EXPH5: variants seen among roughly 807,000 people sequenced by gnomAD.
EXPH5 encodes the protein exophilin 5.
A neutral mutation model predicts 41.1 loss-of-function variants in EXPH5; 42 were observed. The ratio of observed to expected loss-of-function variants is 1.02; its 90% CI spans 0.80 to 1.32. EXPH5 has a LOEUF of 1.32. Ranked by LOEUF, EXPH5 falls within the 40% of genes most tolerant of loss-of-function variation. The pLI is 0.00. For missense variants in EXPH5, 2,298 were observed against 2,314.5 expected, an observed-to-expected ratio of 0.99 and a Z score of 0.15; for synonymous variants, 798 against 833.5, an observed-to-expected ratio of 0.96 and a Z score of 0.73.
At chr11:108,529,031 T>A (rs553994863) in intron 3 of EXPH5, among the ~76,000 whole-genome samples, 4 of 152,126 alleles carry the variant, frequency 2.6e-5, no homozygotes, top group African/African-American at 7.2e-5. Context: ...CAGTAGAGCA[T>A]GCTGACTTTT....
Position 108,508,743 on chromosome 11 carries a change from G to A in EXPH5, c.*794C>T, listed in dbSNP as rs527944172. The A allele has an allele frequency of 5.9e-5, 9 of 152,268 alleles. No individual in the cohort carries two copies. The South Asian group carries it at 1.9e-3, about 32-fold the overall frequency. The allele number at this position is 152,268 out of a possible 1,614,324, so 9.4% of individuals were successfully genotyped here. ...TGTATGGTCAGGTTGCCTGGCCTAA[G>A]TCCTTGGCTTGACTAAAAGCCCTTA... On this transcript the variant is annotated 3_prime_UTR_variant, in exon 6 of 6. Coordinates refer to ENST00000265843, the MANE Select transcript of EXPH5 (RefSeq NM_015065.3).
At chr11:108,576,983 A>G (rs952067108) in intron 1 of EXPH5, among the ~76,000 whole-genome samples, 1 of 152,170 alleles carries the variant, frequency 6.6e-6, no homozygotes, top group African/African-American at 2.4e-5. Context: ...AATATGTGAT[A>G]TTTGTATTTC....
chr11:108,564,824 T>C (rs1415666703), intron 1 of EXPH5, among the ~76,000 whole-genome samples: 2 of 151,746 alleles, frequency 1.3e-5, no homozygotes, highest in Non-Finnish European at 2.9e-5. Flanking sequence ...CCAAAAAAAG[T>C]TTTCTTTTTT....
intron 1 of EXPH5, among the ~76,000 whole-genome samples, chr11:108,553,520 C>T (rs533597240): frequency 6.6e-6 from 1 of 152,110 alleles, no homozygotes; most frequent in Non-Finnish European, 1.5e-5. Flanking sequence ...GAATGTATAC[C>T]TTTTACCTGA....
intron 1 of EXPH5, among the ~76,000 whole-genome samples, chr11:108,564,869 A>G (rs1442593120): frequency 6.7e-6 from 1 of 150,192 alleles, no homozygotes; most frequent in Non-Finnish European, 1.5e-5. Flanking sequence ...AGAGAGGTTG[A>G]ACATTATTTA....
At chr11:108,604,561 A>G in the EXPH5 span, among the ~76,000 whole-genome samples, 93,941 of 152,040 alleles carry the variant, frequency 0.62, 30,031 homozygotes, top group Admixed American at 0.71. Context: ...GAAGATTTTC[A>G]TAGTTAGGAG....
intron 5 of EXPH5, 135 bp downstream of exon 5, chr11:108,518,100 A>T: frequency 1.4e-6 from 1 of 733,590 alleles, no homozygotes; most frequent in East Asian, 2.7e-5. Context: ...CATCCTCTTC[A>T]AATAAGCTAA....
chr11:108,549,641 G>C (rs1432315383), intron 1 of EXPH5, among the ~76,000 whole-genome samples: 1 of 152,066 alleles, frequency 6.6e-6, no homozygotes, highest in African/African-American at 2.4e-5. Flanking sequence ...GTAATCCTTT[G>C]GCCCCACTTA....
At chr11:108,555,881 T>A (rs2093987363) in intron 1 of EXPH5, among the ~76,000 whole-genome samples, 1 of 152,210 alleles carries the variant, frequency 6.6e-6, no homozygotes, top group Admixed American at 6.5e-5. Flanking sequence ...ATCAAATCTC[T>A]TTCCTTTATA....
intron 1 of EXPH5, among the ~76,000 whole-genome samples, chr11:108,585,075 TA>T (rs2094109425): frequency 1.3e-5 from 2 of 152,062 alleles, no homozygotes; most frequent in Non-Finnish European, 2.9e-5. Flanking sequence ...ATAACCCAAC[TA>T]AAAACTGTTC....
At chr11:108,567,511 T>C (rs1442279126) in intron 1 of EXPH5, among the ~76,000 whole-genome samples, 2 of 152,202 alleles carry the variant, frequency 1.3e-5, no homozygotes, top group Non-Finnish European at 2.9e-5. Context: ...ACCCCTTAAG[T>C]ACTTAGTCAT....
chr11:108,547,911 A>G (rs2093945666), intron 1 of EXPH5, among the ~76,000 whole-genome samples: 1 of 152,042 alleles, frequency 6.6e-6, no homozygotes, highest in South Asian at 2.1e-4. Context: ...GTAGTTCAAG[A>G]CCAGCCTGGC....
chr11:108,538,948 T>G, intron 3 of EXPH5, 76 bp downstream of exon 3: 1 of 1,284,902 alleles, frequency 7.8e-7, no homozygotes, highest in Non-Finnish European at 1.1e-6. Flanking sequence ...CATTAAACAT[T>G]TTGAACACAA....
intron 1 of EXPH5, among the ~76,000 whole-genome samples, chr11:108,577,818 T>A (rs1273203123): frequency 6.6e-6 from 1 of 152,256 alleles, no homozygotes; most frequent in African/African-American, 2.4e-5. Context: ...TTTTTTCATA[T>A]GCCTATTGGC....
Position 108,539,933 on chromosome 11 carries a change from A to G in EXPH5, c.281-747T>C, listed in dbSNP as rs575878152. On this transcript the variant is annotated intron_variant, in intron 2 of 5. Coordinates refer to ENST00000265843, the MANE Select transcript of EXPH5 (RefSeq NM_015065.3). Reference sequence around the variant, plus strand: ...ATACTTATAGTCCCAAACATGTCAGATAACGGATATTCAACCTGTTTATGT... The same window carrying G: ...ATACTTATAGTCCCAAACATGTCAGGTAACGGATATTCAACCTGTTTATGT... Among the ~76,000 whole-genome samples, 181 of 152,328 alleles carry G rather than the reference A, an allele frequency of 1.2e-3. 1 individual carries two copies. Among genetic ancestry groups the G allele is most frequent in the African/African-American group, 4.3e-3 (179 of 41,576 alleles).
intron 4 of EXPH5, among the ~76,000 whole-genome samples, chr11:108,521,934 A>G (rs866533533): frequency 2.0e-5 from 3 of 152,204 alleles, no homozygotes; most frequent in African/African-American, 7.2e-5. Context: ...ATACAGTGAA[A>G]TGAAAAGTAC....
chr11:108,511,415 T>C lies in EXPH5; in HGVS notation c.4092A>G (p.Arg1364=). ...VSLPEEESKA[R]EIFSDNLAKT... ...TAGCTAAATTATCTGAAAAAATCTC[T>C]CTAGCTTTAGATTCCTCTTCAGGAA... is the stretch of plus-strand genomic sequence containing the variant. Residue 1364 remains arginine (R), a synonymous_variant, in exon 6 of 6, where the codon AGA becomes AGG. Transcript: ENST00000265843. 1 of 1,590,938 alleles carries C rather than the reference T, an allele frequency of 6.3e-7. No individual in the cohort carries two copies. The highest frequency in any genetic ancestry group is 8.5e-7 in the Non-Finnish European group (1 of 1,171,708).
chr11:108,606,146 G>A, the EXPH5 span, among the ~76,000 whole-genome samples: 7 of 151,856 alleles, frequency 4.6e-5, no homozygotes, highest in South Asian at 4.2e-4. Context: ...CTCCCTCCTC[G>A]GCCTCCCAAA....
chr11:108,600,072 A>G, the EXPH5 span, among the ~76,000 whole-genome samples: 1 of 152,212 alleles, frequency 6.6e-6, no homozygotes, highest in Non-Finnish European at 1.5e-5. Context: ...GCCCTTTCCT[A>G]TGCTTTCCCT....
Sources: gnomAD v4.1 joint callset for allele counts (sites outside exome capture counted in the v4.1 genomes callset) on GRCh38, gnomAD v4.1.1 for gene constraint, MANE v1.5 for transcripts, NCBI Gene and HGNC (gene_info 2026-07-23, HGNC 2026-07-21) for gene names.